The following MTCL2 variants were observed in gnomAD, a reference collection of about 807,000 sequenced individuals.
MTCL2 encodes the protein microtubule cross-linking factor 2.
chr20:36,846,098 T>G, the MTCL2 span, among the ~76,000 whole-genome samples: 79 of 151,760 alleles, frequency 5.2e-4, no homozygotes, highest in African/African-American at 1.9e-3. Context: ...CCCAGCTGTT[T>G]GGGAGGCTGA....
the MTCL2 span, among the ~76,000 whole-genome samples, chr20:36,826,340 TCCCTCCCCCTCCCCCCTCC>T: frequency 2.1e-3 from 1 of 486 alleles, no homozygotes. Context: ...CCTCCCCCTC[TCCCTCCCCCTCCCCCCTCC>T]CCCTCCCCCC....
At chr20:36,840,319 C>T in the MTCL2 span, among the ~76,000 whole-genome samples, 1 of 151,664 alleles carries the variant, frequency 6.6e-6, no homozygotes, top group East Asian at 1.9e-4. Context: ...CACCCGCCAC[C>T]ACGCCTGGCT....
At chr20:36,815,749 G>C in the MTCL2 span, 1 of 1,591,498 alleles carries the variant, frequency 6.3e-7, no homozygotes, top group South Asian at 1.1e-5. This position sits in a 1 kb window ranked among gnomAD's most constrained non-coding sequence, Gnocchi z 5.3. Context: ...GGTTCGCTGA[G>C]CACAGAACAA....
At chr20:36,820,555 G>T in the MTCL2 span, among the ~76,000 whole-genome samples, 1 of 152,182 alleles carries the variant, frequency 6.6e-6, no homozygotes, top group Non-Finnish European at 1.5e-5. Flanking sequence ...AAAGAAGAAA[G>T]AAATGGCTGG....
At chr20:36,854,931 AG>A in the MTCL2 span, among the ~76,000 whole-genome samples, 8 of 152,186 alleles carry the variant, frequency 5.3e-5, no homozygotes, top group African/African-American at 1.4e-4. Flanking sequence ...GGGGGAGGGA[AG>A]GGGGGACACA....
the MTCL2 span, chr20:36,817,381 T>G: frequency 6.4e-7 from 1 of 1,558,250 alleles, no homozygotes; most frequent in Non-Finnish European, 8.7e-7. Context: ...GAATAAAACC[T>G]TCCTACGGGG....
chr20:36,812,091 C>T, the MTCL2 span, among the ~76,000 whole-genome samples: 1 of 152,328 alleles, frequency 6.6e-6, no homozygotes, highest in South Asian at 2.1e-4. Context: ...AGGTAGAAAT[C>T]TGTCCAAGGT....
At chr20:36,793,061 C>T in the MTCL2 span, 37 of 655,276 alleles carry the variant, frequency 5.6e-5, no homozygotes, top group Non-Finnish European at 8.4e-5. The surrounding 1 kb of genome is among the most constrained non-coding windows in gnomAD (Gnocchi z 6.8). Context: ...CATGCCACCA[C>T]GCCTGGCCAA....
At chr20:36,827,429 T>A in the MTCL2 span, among the ~76,000 whole-genome samples, 118 of 145,530 alleles carry the variant, frequency 8.1e-4, 1 homozygote, top group African/African-American at 3.0e-3. Context: ...AGTGGTGCGA[T>A]CTCACCTCAC....
At chr20:36,823,150 G>C in the MTCL2 span, among the ~76,000 whole-genome samples, 1 of 152,224 alleles carries the variant, frequency 6.6e-6, no homozygotes, top group African/African-American at 2.4e-5. Flanking sequence ...AATGGCCACA[G>C]AGAGAGGCCA....
At chr20:36,792,420 G>A in the MTCL2 span, among the ~76,000 whole-genome samples, 1 of 152,018 alleles carries the variant, frequency 6.6e-6, no homozygotes, top group Non-Finnish European at 1.5e-5. Flanking sequence ...AGACAGAATT[G>A]TTTGAACCCA....
the MTCL2 span, among the ~76,000 whole-genome samples, chr20:36,852,094 C>T: frequency 6.6e-6 from 1 of 152,152 alleles, no homozygotes; most frequent in South Asian, 2.1e-4. Flanking sequence ...ACAAGCCCTC[C>T]GACGGGCAGA....
chr20:36,807,906 T>C, the MTCL2 span, among the ~76,000 whole-genome samples: 3 of 139,678 alleles, frequency 2.1e-5, no homozygotes, highest in Non-Finnish European at 4.6e-5. Flanking sequence ...GAAGGAGTCT[T>C]GCTCTCTCTC....
chr20:36,855,198 C>A, the MTCL2 span, among the ~76,000 whole-genome samples: 14 of 152,220 alleles, frequency 9.2e-5, no homozygotes, highest in Non-Finnish European at 1.8e-4. Context: ...CTTTCTCTTA[C>A]GGAACCCTCA....
At chr20:36,825,812 T>C in the MTCL2 span, among the ~76,000 whole-genome samples, 1 of 151,870 alleles carries the variant, frequency 6.6e-6, no homozygotes, top group Admixed American at 6.6e-5. Context: ...AAACACAGGC[T>C]CCCGCCTCCT....
chr20:36,840,111 G>A, the MTCL2 span, among the ~76,000 whole-genome samples: 1 of 149,868 alleles, frequency 6.7e-6, no homozygotes, highest in African/African-American at 2.5e-5. Context: ...CGATCTGCCC[G>A]CCTTGGCCTC....
the MTCL2 span, among the ~76,000 whole-genome samples, chr20:36,842,881 G>T: frequency 1.3e-5 from 2 of 152,232 alleles, no homozygotes; most frequent in Admixed American, 6.5e-5. Context: ...AAGCAGGGGT[G>T]GGGGGTCCAA....
At chr20:36,798,500 C>T in the MTCL2 span, among the ~76,000 whole-genome samples, 2 of 152,206 alleles carry the variant, frequency 1.3e-5, no homozygotes, top group African/African-American at 4.8e-5. Flanking sequence ...TCGTGTAGCA[C>T]TTCCCATTGT....
At chr20:36,852,572 A>G in the MTCL2 span, among the ~76,000 whole-genome samples, 1 of 152,206 alleles carries the variant, frequency 6.6e-6, no homozygotes, top group South Asian at 2.1e-4. Flanking sequence ...GAGGGAAACC[A>G]AAGACTCAAT....
Sources: gnomAD v4.1 joint callset for allele counts (sites outside exome capture counted in the v4.1 genomes callset) on GRCh38, gnomAD v4.1.1 for gene constraint, Gnocchi (gnomAD v3.1) non-coding constraint, MANE v1.5 for transcripts, NCBI Gene and HGNC (gene_info 2026-07-23, HGNC 2026-07-21) for gene names.